The following NAV3 variants were observed in gnomAD, a reference collection of about 807,000 sequenced individuals.
NAV3 encodes the protein pore membrane and/or filament interacting like protein 1.
NAV3 carries 87 observed loss-of-function variants against 244.7 expected under a neutral mutation model. That is an observed-to-expected ratio of 0.36 (90% CI 0.30 to 0.42). The LOEUF is 0.42. Among genes scored for constraint, NAV3 ranks in the 20% least tolerant of loss-of-function variants. The probability of loss-of-function intolerance (pLI) is 1.00; values close to 1 mark genes in which losing one functional copy is unlikely to be tolerated. For synonymous variants in NAV3, 1,126 were observed against 1,042.2 expected (o/e 1.08, Z -1.55); for missense variants, 2,663 against 2,893.3 (o/e 0.92, Z 1.83).
At chr12:77,590,000 G>A (rs1440821715) in intron 2 of NAV3, among the ~76,000 whole-genome samples, 1 of 152,196 alleles carries the variant, frequency 6.6e-6, no homozygotes, top group Non-Finnish European at 1.5e-5. Flanking sequence ...ACTTATGTAA[G>A]CTTGGAACAG....
At chr12:77,877,399 T>C (rs1881989834) in intron 1 of NAV3, among the ~76,000 whole-genome samples, 1 of 152,178 alleles carries the variant, frequency 6.6e-6, no homozygotes, top group Non-Finnish European at 1.5e-5. Context: ...TCTTTACCAA[T>C]TATTTCTAGT....
chr12:77,792,722 T>C (rs1204936664), intron 2 of NAV3, among the ~76,000 whole-genome samples: 1 of 152,212 alleles, frequency 6.6e-6, no homozygotes, highest in Non-Finnish European at 1.5e-5. Context: ...GCTCTGTTCC[T>C]TTGGGATCAG....
intron 2 of NAV3, among the ~76,000 whole-genome samples, chr12:77,719,995 T>C (rs1527789): frequency 6.6e-6 from 1 of 152,156 alleles, no homozygotes; most frequent in African/African-American, 2.4e-5. Context: ...TACAGATGTT[T>C]GGATTTTCTA....
chr12:77,653,251 T>C (rs932141258), intron 2 of NAV3, among the ~76,000 whole-genome samples: 2 of 152,216 alleles, frequency 1.3e-5, no homozygotes, highest in Non-Finnish European at 2.9e-5. Flanking sequence ...CTGTCCCTGT[T>C]CCCCTTTCTA....
chr12:78,001,644 A>G (rs1247574984), intron 7 of NAV3, among the ~76,000 whole-genome samples: 1 of 152,232 alleles, frequency 6.6e-6, no homozygotes. Flanking sequence ...ATATCATTTT[A>G]ATAATGAAAT....
rs1369559123 is a variant in NAV3 at position 77,770,504 on chromosome 12, C to T, written c.73-169815C>T. On this transcript the variant is annotated intron_variant, in intron 2 of 8. Coordinates refer to the NAV3 transcript ENST00000550042. ...GATTTTTGCCTAAACTTCTTTAGAG[C>T]TCTTAAGAAATAGACTCAGAAAGCT... 2.6e-5 allele frequency among the ~76,000 whole-genome samples: 4 copies of T among 152,176 alleles called. No homozygotes were observed. The East Asian group carries it at 7.7e-4, about 29-fold the overall frequency.
chr12:78,017,040 A>G (rs1273704220), intron 8 of NAV3, among the ~76,000 whole-genome samples: 2 of 152,136 alleles, frequency 1.3e-5, no homozygotes, highest in Non-Finnish European at 2.9e-5. Flanking sequence ...ACAGGTAGCC[A>G]GATTCAAGTA....
chr12:78,200,681 T>C (rs1959570434), intron 38 of NAV3, 90 bp downstream of exon 38: 1 of 673,158 alleles, frequency 1.5e-6, no homozygotes, highest in South Asian at 3.5e-5. Context: ...TCTGGGTATT[T>C]ATGCAGAAAA....
intron 26 of NAV3, 27 bp from the exon 27 acceptor site, chr12:78,177,114 G>A (rs1418410213): frequency 1.9e-6 from 3 of 1,612,260 alleles, no homozygotes; most frequent in Non-Finnish European, 2.5e-6. Flanking sequence ...AAATAGACAA[G>A]AAGGGTAATT....
At position 78,089,125 on chromosome 12, in the gene NAV3, G is replaced by C. The variant is rs933828649; in HGVS notation, c.2637-27647G>C. 1.4e-4 allele frequency among the ~76,000 whole-genome samples: 22 copies of C among 152,108 alleles called. No individual in the cohort carries two copies. The East Asian group carries it at 4.1e-3, about 28-fold the overall frequency. On this transcript the variant is annotated intron_variant, in intron 12 of 39. Coordinates refer to ENST00000397909, the MANE Select transcript of NAV3 (RefSeq NM_001024383.2). ...TCAGGTAATTTATATTTGTTATTTA[G>C]TCAATCACTTTACCATTTTTTTCCA...
intron 1 of NAV3, among the ~76,000 whole-genome samples, chr12:77,930,797 G>A (rs1888709379): frequency 6.6e-6 from 1 of 152,056 alleles, no homozygotes; most frequent in Non-Finnish European, 1.5e-5. Flanking sequence ...TATCCCAACT[G>A]TTGGAAAGTT....
Position 78,118,309 on chromosome 12 carries a change from G to T in NAV3, c.3040+12G>T. 6 of 1,579,398 alleles carry T rather than the reference G, an allele frequency of 3.8e-6. No individual in the cohort carries two copies. The highest frequency in any genetic ancestry group is 5.2e-6 in the Non-Finnish European group (6 of 1,159,942). On this transcript the variant is annotated intron_variant, in intron 14 of 39. Coordinates refer to ENST00000397909, the MANE Select transcript of NAV3 (RefSeq NM_001024383.2). The stretch of plus-strand genomic sequence containing the variant: ...ACTCAAAACACCCGGTAGGCTTGTC[G>T]TTTGCCAGCTGTTATGCAAAAGTGC...
chr12:77,988,094 C>T (rs1373013239), intron 5 of NAV3, among the ~76,000 whole-genome samples: 1 of 152,164 alleles, frequency 6.6e-6, no homozygotes, highest in Non-Finnish European at 1.5e-5. Context: ...TATTCTCCTT[C>T]CAAGGAGACA....
At position 77,913,649 on chromosome 12, in the gene NAV3, G is replaced by T. The variant is rs575568322; in HGVS notation, c.244-26670G>T. On this transcript the variant is annotated intron_variant, in intron 1 of 39. Transcript: ENST00000397909. ...GAAGATTGGACCCAAAATTCAGGGAGTGTGTGTGTGTGAATGATAAAAACT... is the reference window on the plus strand; with the variant it reads ...GAAGATTGGACCCAAAATTCAGGGATTGTGTGTGTGTGAATGATAAAAACT... Among the ~76,000 whole-genome samples, 3 of 150,622 alleles carry T rather than the reference G, an allele frequency of 2.0e-5. No individual in the cohort carries two copies. The East Asian group carries it at 5.8e-4, about 29-fold the overall frequency.
chr12:77,573,853 G>T (rs1239273314), intron 2 of NAV3, among the ~76,000 whole-genome samples: 1 of 152,114 alleles, frequency 6.6e-6, no homozygotes, highest in South Asian at 2.1e-4. Context: ...TTCATTCCCT[G>T]GCTAAGGGAG....
At chr12:78,007,533 G>GCACCA in intron 8 of NAV3, 88 bp downstream of exon 8, 2 of 1,340,656 alleles carry the variant, frequency 1.5e-6, no homozygotes, top group Non-Finnish European at 2.0e-6. Context: ...ATAAAGTGGT[G>GCACCA]CTTTATGTCG....
intron 2 of NAV3, among the ~76,000 whole-genome samples, chr12:77,585,157 C>T (rs1253310170): frequency 6.6e-6 from 1 of 152,108 alleles, no homozygotes; most frequent in African/African-American, 2.4e-5. Flanking sequence ...AGGATGGTCT[C>T]AGAGAGAAGA....
intron 2 of NAV3, among the ~76,000 whole-genome samples, chr12:77,611,897 T>C (rs1870931768): frequency 6.6e-6 from 1 of 152,040 alleles, no homozygotes; most frequent in African/African-American, 2.4e-5. Flanking sequence ...CTAGTATTCA[T>C]TTATTCAAAG....
At chr12:77,614,820 CT>C (rs1162929589) in intron 2 of NAV3, among the ~76,000 whole-genome samples, 2 of 152,132 alleles carry the variant, frequency 1.3e-5, no homozygotes, top group African/African-American at 4.8e-5. Flanking sequence ...ATAGTAAGTA[CT>C]TTAAGAAAGT....
Sources: allele counts gnomAD v4.1 joint callset (sites outside exome capture counted in the v4.1 genomes callset), GRCh38; gene constraint gnomAD v4.1.1; transcripts MANE v1.5; gene names NCBI Gene and HGNC (gene_info 2026-07-23, HGNC 2026-07-21).